The following TMEM132C variants were observed in gnomAD, a reference collection of about 807,000 sequenced individuals.
TMEM132C encodes the protein protein phosphatase 1, regulatory subunit 152.
A neutral mutation model predicts 61.4 loss-of-function variants in TMEM132C; 29 were observed. That is an observed-to-expected ratio of 0.47 (90% CI 0.35 to 0.64). The LOEUF is 0.64. Ranked by LOEUF, TMEM132C falls within the 30% of genes least tolerant of loss-of-function variation. TMEM132C has a pLI of 0.00. For missense variants in TMEM132C, 1,408 were observed against 1,476.9 expected (o/e 0.95, Z 0.76); for synonymous variants, 656 against 633.1 (o/e 1.04, Z -0.54).
At chr12:128,611,365 A>G (rs933884222) in intron 3 of TMEM132C, among the ~76,000 whole-genome samples, 3 of 149,700 alleles carry the variant, frequency 2.0e-5, no homozygotes, top group African/African-American at 7.4e-5. Flanking sequence ...TTATTGTTTC[A>G]TTTCTTCTTT....
At chr12:128,318,915 G>T (rs560618809) in intron 1 of TMEM132C, among the ~76,000 whole-genome samples, 1 of 152,320 alleles carries the variant, frequency 6.6e-6, no homozygotes, top group African/African-American at 2.4e-5. Flanking sequence ...CCCTCACCTT[G>T]CAGGGGATCC....
rs1174581282 is a variant in TMEM132C, at chr12:128,630,116, G to A, written c.1305+13781G>A. 6.6e-6 allele frequency among the ~76,000 whole-genome samples: 1 copy of A among 152,160 alleles called. No individual in the cohort carries two copies. Among genetic ancestry groups the A allele is most frequent in the Non-Finnish European group, 1.5e-5 (1 of 68,020 alleles). On this transcript the variant is annotated intron_variant, in intron 4 of 8. Coordinates refer to ENST00000435159, the MANE Select transcript of TMEM132C (RefSeq NM_001136103.3). The surrounding 1 kb of genome is among the most constrained non-coding windows in gnomAD (Gnocchi z 4.3). ...GGGTCTTTGAACTTGAGCAGGGACA[G>A]CATGGCCTTGGGGACTTGGGAAAGC... is the stretch of plus-strand genomic sequence containing the variant.
At chr12:128,359,461 G>C (rs115213916) in intron 1 of TMEM132C, among the ~76,000 whole-genome samples, 2,229 of 152,284 alleles carry the variant, frequency 0.015, 56 homozygotes, top group African/African-American at 0.05. Context: ...GCCATGTGGG[G>C]ATTATTACCA....
chr12:128,568,560 C>T (rs1874774950), intron 3 of TMEM132C, among the ~76,000 whole-genome samples: 1 of 152,196 alleles, frequency 6.6e-6, no homozygotes, highest in Non-Finnish European at 1.5e-5. Context: ...GTGTGGTTAT[C>T]AGCTCTGGTT....
intron 1 of TMEM132C, among the ~76,000 whole-genome samples, chr12:128,277,527 G>A (rs1870733492): frequency 6.6e-6 from 1 of 152,230 alleles, no homozygotes; most frequent in African/African-American, 2.4e-5. Context: ...AGGGAATGGG[G>A]TTTTCTGATG....
intron 1 of TMEM132C, among the ~76,000 whole-genome samples, chr12:128,342,231 A>T (rs145431171): frequency 6.6e-6 from 1 of 151,530 alleles, no homozygotes; most frequent in African/African-American, 2.4e-5. Flanking sequence ...GTGGTCTCGA[A>T]CTCCTGACCT....
rs200751530 is a variant in TMEM132C, at chr12:128,473,602, A to G, written c.974+57982A>G. On this transcript the variant is annotated intron_variant, in intron 2 of 8. Coordinates refer to ENST00000435159, the MANE Select transcript of TMEM132C (RefSeq NM_001136103.3). ...TATTTTCATCTTCACTCCAGCCTCT[A>G]TCTTCATCTTCACTCCAGCCTCTGT... is the stretch of plus-strand genomic sequence containing the variant. Among the ~76,000 whole-genome samples the G allele has an allele frequency of 6.2e-3, 238 of 38,360 alleles. 1 individual carries two copies. Among genetic ancestry groups the G allele is most frequent in the East Asian group, 0.061 (92 of 1,506 alleles). The allele number at this position is 38,360 out of a possible 152,430, so 25.2% of individuals were successfully genotyped here.
chr12:128,666,840 G>A (rs1189688001), intron 4 of TMEM132C, among the ~76,000 whole-genome samples: 1 of 152,212 alleles, frequency 6.6e-6, no homozygotes. Flanking sequence ...TATGTCCGAG[G>A]CAGGTGGATC....
chr12:128,327,317 G>A (rs1247728981), intron 1 of TMEM132C, among the ~76,000 whole-genome samples: 3 of 150,236 alleles, frequency 2.0e-5, no homozygotes, highest in Non-Finnish European at 4.4e-5. Flanking sequence ...ACAGCCCACA[G>A]GAGATCCTGA....
intron 3 of TMEM132C, among the ~76,000 whole-genome samples, chr12:128,548,846 A>G (rs1014612686): frequency 2.6e-5 from 4 of 152,216 alleles, no homozygotes; most frequent in Admixed American, 6.5e-5. Flanking sequence ...AACTATTTAC[A>G]TAGCATTTAC....
At chr12:128,632,612 A>G (rs142446819) in intron 4 of TMEM132C, among the ~76,000 whole-genome samples, 1 of 152,222 alleles carries the variant, frequency 6.6e-6, no homozygotes. Flanking sequence ...GAAAATGGGA[A>G]GATAACAGAG....
intron 2 of TMEM132C, among the ~76,000 whole-genome samples, chr12:128,485,835 G>C (rs187060655): frequency 2.6e-5 from 4 of 152,280 alleles, no homozygotes; most frequent in African/African-American, 9.6e-5. Context: ...CGGAGGGCGC[G>C]GAGGTTTCTG....
chr12:128,622,366 T>TATATAG (rs1953976234), intron 4 of TMEM132C, among the ~76,000 whole-genome samples: 1 of 36,906 alleles, frequency 2.7e-5, no homozygotes, highest in Non-Finnish European at 4.5e-5. Flanking sequence ...AAAAAATATA[T>TATATAG]ATATATATAT....
chr12:128,585,903 G>A (rs938356695), intron 3 of TMEM132C, among the ~76,000 whole-genome samples: 1 of 152,176 alleles, frequency 6.6e-6, no homozygotes, highest in Non-Finnish European at 1.5e-5. Context: ...GGGAAGTGGG[G>A]AGTTCGTGTG....
At position 128,706,566 on chromosome 12, in the gene TMEM132C, A is replaced by C. The variant is rs150897128; in HGVS notation, c.*271A>C. On this transcript the variant is annotated 3_prime_UTR_variant, in exon 9 of 9. Coordinates refer to ENST00000435159, the MANE Select transcript of TMEM132C (RefSeq NM_001136103.3). ...CTGAACTGCACAGGCAAAATTAGGA[A>C]GGTTATTTTATGAGTCAAAACATAC... 303 of 344,368 alleles carry C rather than the reference A, an allele frequency of 8.8e-4. 1 individual carries two copies. The highest frequency in any genetic ancestry group is 5.8e-3 in the African/African-American group (278 of 47,936). The allele number at this position is 344,368 out of a possible 1,614,324, so 21.3% of individuals were successfully genotyped here.
chr12:128,639,590 C>A (rs1041434093), intron 4 of TMEM132C, among the ~76,000 whole-genome samples: 1 of 152,186 alleles, frequency 6.6e-6, no homozygotes. Context: ...GGATTGACTT[C>A]TTTCCTTTCT....
At chr12:128,544,844 G>A (rs144029651) in intron 3 of TMEM132C, among the ~76,000 whole-genome samples, 2 of 152,266 alleles carry the variant, frequency 1.3e-5, no homozygotes, top group African/African-American at 4.8e-5. Flanking sequence ...ATTTTCTCTT[G>A]ACATTAAATA....
chr12:128,425,126 C>T (rs1321448809), intron 2 of TMEM132C, among the ~76,000 whole-genome samples: 2 of 152,214 alleles, frequency 1.3e-5, no homozygotes, highest in East Asian at 1.9e-4. Context: ...GAAAGGGCCT[C>T]AGCATCCCCC....
At chr12:128,533,914 A>G (rs1050142663) in intron 2 of TMEM132C, among the ~76,000 whole-genome samples, 1 of 151,552 alleles carries the variant, frequency 6.6e-6, no homozygotes, top group Admixed American at 6.6e-5. Context: ...ACACACATGC[A>G]TACACACACA....
Sources: gnomAD v4.1 joint callset for allele counts (sites outside exome capture counted in the v4.1 genomes callset) on GRCh38, gnomAD v4.1.1 for gene constraint, Gnocchi (gnomAD v3.1) non-coding constraint, MANE v1.5 for transcripts, NCBI Gene and HGNC (gene_info 2026-07-23, HGNC 2026-07-21) for gene names.